Variants in FIGN observed in about 807,000 individuals in gnomAD.
FIGN encodes the protein fidgetin.
Under a neutral mutation model 51.3 loss-of-function variants are expected in FIGN, and 11 were observed. That is an observed-to-expected ratio of 0.21 (90% CI 0.13 to 0.35). The LOEUF (loss-of-function observed/expected upper bound fraction) is 0.35, where lower values mean the gene tolerates loss of function less well. Among genes scored for constraint, FIGN ranks in the 10% least tolerant of loss-of-function variants. The pLI, the probability that FIGN is intolerant of heterozygous loss-of-function variation, is 1.00. For synonymous variants in FIGN, 407 were observed against 363.2 expected, an observed-to-expected ratio of 1.12 and a Z score of -1.37; for missense variants, 857 against 943.6, an observed-to-expected ratio of 0.91 and a Z score of 1.20.
intron 2 of FIGN, among the ~76,000 whole-genome samples, chr2:163,624,958 G>T (rs2105307424): frequency 6.6e-6 from 1 of 151,956 alleles, no homozygotes; most frequent in South Asian, 2.1e-4. Context: ...TGAATTGGTT[G>T]CTTTGATGTT....
At chr2:163,660,685 ACACATATACATATATATG>A (rs1258570425) in intron 2 of FIGN, among the ~76,000 whole-genome samples, 34 of 122,388 alleles carry the variant, frequency 2.8e-4, no homozygotes, top group South Asian at 7.5e-4. Context: ...ATATATATAT[ACACATATACATATATATG>A]TATACACATA....
At chr2:163,730,961 C>T (rs1573978635) in intron 2 of FIGN, among the ~76,000 whole-genome samples, 1 of 152,096 alleles carries the variant, frequency 6.6e-6, no homozygotes, top group African/African-American at 2.4e-5. Context: ...TAAAATAGCA[C>T]CTTTCTATTT....
At position 163,609,380 on chromosome 2, in the gene FIGN, TG is replaced by T; in HGVS notation, c.*171del. The T allele has an allele frequency of 1.6e-6, 1 of 617,484 alleles. No individual in the cohort carries two copies. The allele number at this position is 617,484 out of a possible 1,614,324, so 38.3% of individuals were successfully genotyped here. A position where few individuals can be genotyped will look rare whatever the true frequency, so the allele number is the denominator to read the frequency against. ...GGCTTTCAAATCAGAAGCTCTCATT[TG>T]ATGCACTTTTCCTCCAAATCTACCC... On this transcript the variant is annotated 3_prime_UTR_variant, in exon 3 of 3. Transcript: ENST00000333129.
intron 2 of FIGN, among the ~76,000 whole-genome samples, chr2:163,655,827 A>C (rs1683551717): frequency 6.6e-6 from 1 of 151,730 alleles, no homozygotes; most frequent in African/African-American, 2.4e-5. Flanking sequence ...AGAGAGAGAG[A>C]GCTCTACATT....
chr2:163,722,773 G>C (rs1034641121), intron 2 of FIGN, among the ~76,000 whole-genome samples: 1 of 151,056 alleles, frequency 6.6e-6, no homozygotes, highest in Non-Finnish European at 1.5e-5. Flanking sequence ...GTCTTTCTTT[G>C]GTAATAACAT....
chr2:163,726,216 G>A (rs1039662873), intron 2 of FIGN, among the ~76,000 whole-genome samples: 2 of 151,884 alleles, frequency 1.3e-5, no homozygotes, highest in Non-Finnish European at 2.9e-5. Context: ...TCTACATTTG[G>A]GTCCTATCAG....
At chr2:163,700,170 G>A (rs1158422509) in intron 2 of FIGN, among the ~76,000 whole-genome samples, 1 of 152,136 alleles carries the variant, frequency 6.6e-6, no homozygotes, top group African/African-American at 2.4e-5. Context: ...TATTGACATT[G>A]TGATTAGTTA....
chr2:163,611,757 G>C lies in FIGN; in HGVS notation c.75C>G (p.His25Gln). The C allele has an allele frequency of 6.2e-7, 1 of 1,613,848 alleles. No homozygotes were observed. Among genetic ancestry groups the C allele is most frequent in the Non-Finnish European group, 8.5e-7 (1 of 1,179,760 alleles). The change falls in exon 3 of 3, where the codon CAC (histidine) becomes CAG (glutamine). Residue 25 changes from histidine to glutamine, a missense_variant. Transcript: ENST00000333129. ...TPEHAQWPEQ[H>Q]FDITSTTRSP... ...ACCGAGTGGTTGAGGTGATGTCAAA[G>C]TGCTGTTCTGGCCACTGGGCATGCT... is the stretch of plus-strand genomic sequence containing the variant.
chr2:163,715,958 C>T (rs1684660481), intron 2 of FIGN, among the ~76,000 whole-genome samples: 1 of 152,154 alleles, frequency 6.6e-6, no homozygotes, highest in African/African-American at 2.4e-5. Flanking sequence ...GCAAATTCTA[C>T]CTCTGGTAAA....
chr2:163,666,665 T>C (rs535933175), intron 2 of FIGN, among the ~76,000 whole-genome samples: 254 of 152,320 alleles, frequency 1.7e-3, no homozygotes, highest in Non-Finnish European at 3.2e-3. Context: ...ACATGGTTAA[T>C]GACCCAGTGG....
At chr2:163,652,535 C>G (rs977437432) in intron 2 of FIGN, among the ~76,000 whole-genome samples, 1 of 152,080 alleles carries the variant, frequency 6.6e-6, no homozygotes, top group East Asian at 1.9e-4. Flanking sequence ...CAAATACATT[C>G]ACCCAAATTT....
chr2:163,706,761 T>C (rs78744256), intron 2 of FIGN, among the ~76,000 whole-genome samples: 1,887 of 152,316 alleles, frequency 0.012, 43 homozygotes, highest in African/African-American at 0.042. Context: ...GAAATATTAG[T>C]TGTGCATCAC....
intron 2 of FIGN, among the ~76,000 whole-genome samples, chr2:163,626,927 T>C (rs1298746646): frequency 6.6e-6 from 1 of 152,168 alleles, no homozygotes; most frequent in Non-Finnish European, 1.5e-5. Context: ...ACCAGTGCCA[T>C]GGCAGTTTAC....
intron 2 of FIGN, among the ~76,000 whole-genome samples, chr2:163,696,412 C>T (rs1012029848): frequency 6.6e-6 from 1 of 152,090 alleles, no homozygotes; most frequent in Non-Finnish European, 1.5e-5. Flanking sequence ...ACCTGTTTTC[C>T]CACCTCACAA....
At chr2:163,660,881 T>TATATA (rs1559012670) in intron 2 of FIGN, among the ~76,000 whole-genome samples, 2 of 2,310 alleles carry the variant, frequency 8.7e-4, no homozygotes, top group African/African-American at 1.5e-3. Flanking sequence ...ATATATATAT[T>TATATA]TTTTTTTTTT....
At chr2:163,614,538 CAGAGT>C (rs1486775425) in intron 2 of FIGN, among the ~76,000 whole-genome samples, 2 of 151,514 alleles carry the variant, frequency 1.3e-5, no homozygotes, top group African/African-American at 2.4e-5. Flanking sequence ...TATCAAAATA[CAGAGT>C]AGAGAAAATA....
chr2:163,628,884 A>G (rs1026875974), intron 2 of FIGN, among the ~76,000 whole-genome samples: 1 of 152,144 alleles, frequency 6.6e-6, no homozygotes, highest in Non-Finnish European at 1.5e-5. Flanking sequence ...AGCTTCCCTG[A>G]ATCTAAGGAA....
chr2:163,693,891 A>G (rs994531807), intron 2 of FIGN, among the ~76,000 whole-genome samples: 2 of 152,218 alleles, frequency 1.3e-5, no homozygotes, highest in Non-Finnish European at 2.9e-5. Context: ...ACTGAGCCAC[A>G]TTACTCTGTA....
chr2:163,706,109 A>G (rs938702291), intron 2 of FIGN, among the ~76,000 whole-genome samples: 1 of 152,138 alleles, frequency 6.6e-6, no homozygotes, highest in African/African-American at 2.4e-5. Flanking sequence ...TGCATATTAC[A>G]TATAGGTTAC....
Sources: allele counts gnomAD v4.1 joint callset (sites outside exome capture counted in the v4.1 genomes callset), GRCh38; gene constraint gnomAD v4.1.1; transcripts MANE v1.5; gene names NCBI Gene and HGNC (gene_info 2026-07-23, HGNC 2026-07-21).